Variants in PDE8A observed in about 807,000 individuals in gnomAD.
PDE8A encodes high affinity cAMP-specific and IBMX-insensitive 3',5'-cyclic phosphodiesterase 8A.
A neutral mutation model predicts 105.0 loss-of-function variants in PDE8A; 59 were observed. That is an observed-to-expected ratio of 0.56 (90% CI 0.46 to 0.70). PDE8A has a LOEUF of 0.70. PDE8A is among the 30% of genes least tolerant of loss of function. The pLI is 0.00. For missense variants in PDE8A, 1,014 were observed against 1,045.9 expected (o/e 0.97, Z 0.42); for synonymous variants, 355 against 371.9 (o/e 0.95, Z 0.52).
At chr15:85,115,534 C>A in intron 15 of PDE8A, 47 bp downstream of exon 15, 3 of 927,302 alleles carry the variant, frequency 3.2e-6, no homozygotes, top group Non-Finnish European at 4.9e-6. Flanking sequence ...TATAATACTG[C>A]AGTCTAGCTT....
intron 16 of PDE8A, 40 bp downstream of exon 16, chr15:85,116,159 C>A: frequency 6.2e-7 from 1 of 1,607,452 alleles, no homozygotes; most frequent in Non-Finnish European, 8.5e-7. Flanking sequence ...GAACTAGATT[C>A]CCAGGGCCTG....
At chr15:84,983,481 G>C (rs894971055) in intron 1 of PDE8A, among the ~76,000 whole-genome samples, 1 of 152,158 alleles carries the variant, frequency 6.6e-6, no homozygotes, top group Non-Finnish European at 1.5e-5. Context: ...TGTACGAAAG[G>C]GGAAAGTCTT....
chr15:85,014,493 A>G (rs1485241526), intron 1 of PDE8A, among the ~76,000 whole-genome samples: 1 of 152,226 alleles, frequency 6.6e-6, no homozygotes. Context: ...TTCTCCATTT[A>G]TTATACCAGT....
At position 85,059,379 on chromosome 15, in the gene PDE8A, G is replaced by C. The variant is rs189209760; in HGVS notation, c.187-4991G>C. Among the ~76,000 whole-genome samples, 154 of 152,302 alleles carry C rather than the reference G, an allele frequency of 1.0e-3. 1 individual carries two copies. The highest frequency in any genetic ancestry group is 3.4e-4 in the Non-Finnish European group (23 of 68,022). On this transcript the variant is annotated intron_variant, in intron 1 of 21. Transcript: ENST00000394553. The stretch of plus-strand genomic sequence containing the variant: ...ATTCTGTATATGTCTATTAGATCTT[G>C]TTGGTTTATTGTGTTGCTTAAGTCT...
In PDE8A at chr15:84,991,232, A is replaced by C. The variant is rs531466773; in HGVS notation, c.186+8884A>C. On this transcript the variant is annotated intron_variant, in intron 1 of 21. Coordinates refer to ENST00000394553, the MANE Select transcript of PDE8A (RefSeq NM_002605.3). ...AAGGAAAGCGGCAGACTGGAAGAAG[A>C]CATTTGCAATGCATAGTACCAATAA... 4.6e-5 allele frequency among the ~76,000 whole-genome samples: 7 copies of C among 152,336 alleles called. No individual in the cohort carries two copies. In the South Asian group the frequency reaches 6.2e-4, roughly 14 times the overall value.
chr15:85,071,074 G>A (rs1191020364), intron 3 of PDE8A, among the ~76,000 whole-genome samples: 1 of 152,160 alleles, frequency 6.6e-6, no homozygotes, highest in African/African-American at 2.4e-5. Flanking sequence ...TAAGATGATA[G>A]GTCAGAAGCT....
intron 7 of PDE8A, 114 bp downstream of exon 7, chr15:85,089,530 A>T: frequency 1.8e-6 from 1 of 564,410 alleles, no homozygotes; most frequent in South Asian, 2.6e-5. Flanking sequence ...TTAGGAGACC[A>T]GTTTTTCCTT....
At chr15:84,984,400 T>C (rs1309722881) in intron 1 of PDE8A, among the ~76,000 whole-genome samples, 1 of 152,234 alleles carries the variant, frequency 6.6e-6, no homozygotes, top group Non-Finnish European at 1.5e-5. Flanking sequence ...CTCTGGAAAT[T>C]CATGTTAGAG....
chr15:85,058,888 A>G (rs933008668), intron 1 of PDE8A, among the ~76,000 whole-genome samples: 6 of 152,050 alleles, frequency 3.9e-5, no homozygotes, highest in South Asian at 2.1e-4. Context: ...TCTATTCTCT[A>G]TTGTATTAAT....
At chr15:85,014,305 C>A (rs1454266601) in intron 1 of PDE8A, among the ~76,000 whole-genome samples, 2 of 152,084 alleles carry the variant, frequency 1.3e-5, no homozygotes, top group Admixed American at 6.6e-5. Flanking sequence ...GGCCACTAGT[C>A]CTGGCCACAG....
At chr15:85,115,919 CA>C (rs35865189) in intron 15 of PDE8A, 64 bp from the exon 16 acceptor site, 207,007 of 1,166,636 alleles carry the variant, frequency 0.18, 1,781 homozygotes, top group East Asian at 0.37. Flanking sequence ...GATTCCGTCT[CA>C]AAAAAAAAAA....
intron 1 of PDE8A, among the ~76,000 whole-genome samples, chr15:84,993,398 G>A (rs1458046454): frequency 7.9e-5 from 11 of 138,492 alleles, no homozygotes; most frequent in East Asian, 4.1e-4. Flanking sequence ...AGCCGAAATC[G>A]CGCCACTGCA....
At chr15:84,982,912 T>C (rs1011244413) in intron 1 of PDE8A, among the ~76,000 whole-genome samples, 1 of 152,234 alleles carries the variant, frequency 6.6e-6, no homozygotes, top group African/African-American at 2.4e-5. Context: ...GGTCCACGTT[T>C]ATTAGCATAC....
chr15:85,022,127 G>T (rs561959951), intron 1 of PDE8A, among the ~76,000 whole-genome samples: 1 of 152,316 alleles, frequency 6.6e-6, no homozygotes, highest in African/African-American at 2.4e-5. Context: ...ACGGATAGTT[G>T]CCAAATGGTG....
intron 14 of PDE8A, 60 bp from the exon 15 acceptor site, chr15:85,115,379 T>C: frequency 8.7e-7 from 1 of 1,152,894 alleles, no homozygotes; most frequent in Admixed American, 2.2e-5. Flanking sequence ...CACCTGGAGT[T>C]TCCAGGAAGG....
chr15:85,110,603 A>C (rs945753483), intron 12 of PDE8A, among the ~76,000 whole-genome samples: 120 of 152,228 alleles, frequency 7.9e-4, no homozygotes, highest in African/African-American at 2.6e-3. Context: ...AGGTTCTTCC[A>C]TGTTGTTAGG....
At chr15:85,065,541 G>A (rs769090508) in intron 2 of PDE8A, among the ~76,000 whole-genome samples, 1 of 151,058 alleles carries the variant, frequency 6.6e-6, no homozygotes, top group Non-Finnish European at 1.5e-5. Flanking sequence ...CATGCTCCCC[G>A]CACATGAACA....
intron 20 of PDE8A, among the ~76,000 whole-genome samples, 198 bp downstream of exon 20, chr15:85,126,572 A>T (rs2082262336): frequency 6.6e-6 from 1 of 151,380 alleles, no homozygotes; most frequent in East Asian, 1.9e-4. Context: ...CTTGCAGGAT[A>T]TTTTTGTTAG....
At chr15:85,084,033 G>T (rs1041581181) in intron 6 of PDE8A, among the ~76,000 whole-genome samples, 1 of 150,816 alleles carries the variant, frequency 6.6e-6, no homozygotes. Context: ...CATTTTATCT[G>T]CTCTTGATAA....
Sources: gnomAD v4.1 joint callset for allele counts (sites outside exome capture counted in the v4.1 genomes callset) on GRCh38, gnomAD v4.1.1 for gene constraint, MANE v1.5 for transcripts, NCBI Gene and HGNC (gene_info 2026-07-23, HGNC 2026-07-21) for gene names.